Variants in PTPRJ observed in about 807,000 individuals in gnomAD.
The protein encoded by PTPRJ is receptor-type tyrosine-protein phosphatase eta.
In PTPRJ, 129 loss-of-function variants were observed where a neutral mutation model predicts 141.3. The observed-to-expected ratio is 0.91, with a 90% CI of 0.79 to 1.06. The LOEUF (loss-of-function observed/expected upper bound fraction) is 1.06. PTPRJ is among the 50% of genes least tolerant of loss of function. The pLI is 0.00. For missense variants in PTPRJ, 1,601 were observed against 1,679.7 expected (o/e 0.95, Z 0.82); for synonymous variants, 610 against 640.5 (o/e 0.95, Z 0.72).
At chr11:48,053,220 TTAAATATA>T (rs1854628820) in intron 1 of PTPRJ, among the ~76,000 whole-genome samples, 1 of 91,024 alleles carries the variant, frequency 1.1e-5, no homozygotes, top group Non-Finnish European at 2.0e-5. Flanking sequence ...ATATAATATA[TTAAATATA>T]TTATATATAA....
intron 1 of PTPRJ, among the ~76,000 whole-genome samples, chr11:47,988,305 A>G (rs978429335): frequency 1.3e-5 from 2 of 152,176 alleles, no homozygotes; most frequent in South Asian, 4.1e-4. Context: ...ACAATATTGT[A>G]TCCAATTTCA....
chr11:48,037,686 A>G (rs1158911329), intron 1 of PTPRJ, among the ~76,000 whole-genome samples: 1 of 152,040 alleles, frequency 6.6e-6, no homozygotes, highest in Non-Finnish European at 1.5e-5. Context: ...GGTGATGGGC[A>G]TCTGTAATCC....
rs1442517904 is a variant in PTPRJ at position 48,035,544 on chromosome 11, T to C, written c.96+54536T>C. 3.1e-3 allele frequency among the ~76,000 whole-genome samples: 423 copies of C among 138,172 alleles called. 3 individuals are homozygous for C. The highest frequency in any genetic ancestry group is 0.01 in the African/African-American group (377 of 37,344). The allele number at this position is 138,172 out of a possible 152,430, so 90.6% of individuals were successfully genotyped here. ...TTCTTTTTTCTTTCTTCTTCTTTTT[T>C]TTTTTTTTTTTTTTTTTTTTTAGTT... On this transcript the variant is annotated intron_variant, in intron 1 of 24. Transcript: ENST00000418331.
At chr11:48,131,247 T>A (rs1856976379) in intron 8 of PTPRJ, among the ~76,000 whole-genome samples, 1 of 151,768 alleles carries the variant, frequency 6.6e-6, no homozygotes, top group African/African-American at 2.4e-5. Flanking sequence ...CATGCCTGGC[T>A]AATTTTTATA....
At chr11:48,116,354 T>A (rs927398043) in intron 3 of PTPRJ, among the ~76,000 whole-genome samples, 3 of 152,228 alleles carry the variant, frequency 2.0e-5, no homozygotes, top group African/African-American at 7.2e-5. Flanking sequence ...GATAAAGGGA[T>A]CAATTCATCA....
At chr11:48,041,749 T>TG (rs1170565617) in intron 1 of PTPRJ, among the ~76,000 whole-genome samples, 3 of 152,016 alleles carry the variant, frequency 2.0e-5, no homozygotes, top group African/African-American at 7.2e-5. Flanking sequence ...CTTAGCCTCC[T>TG]GAGTAGATGG....
Position 47,992,760 on chromosome 11 carries a change from T to A in PTPRJ, c.96+11752T>A, listed in dbSNP as rs376839871. On this transcript the variant is annotated intron_variant, in intron 1 of 24. Coordinates refer to ENST00000418331, the MANE Select transcript of PTPRJ (RefSeq NM_002843.4). The stretch of plus-strand genomic sequence containing the variant: ...GTTATGACCTGCATTAAAAAAATGG[T>A]AGAATATCAGAGTTTGCTGGTAAGT... Among the ~76,000 whole-genome samples the A allele has an allele frequency of 3.9e-5, 6 of 152,218 alleles. No homozygotes were observed. The South Asian group carries it at 1.2e-3, about 32-fold the overall frequency.
intron 1 of PTPRJ, among the ~76,000 whole-genome samples, chr11:48,030,011 G>C (rs887403190): frequency 6.6e-6 from 1 of 152,136 alleles, no homozygotes; most frequent in East Asian, 1.9e-4. Flanking sequence ...TTAGAAAAAG[G>C]CTTAGTATCT....
intron 1 of PTPRJ, among the ~76,000 whole-genome samples, chr11:47,995,221 AG>A (rs1398220340): frequency 6.6e-6 from 1 of 152,240 alleles, no homozygotes; most frequent in African/African-American, 2.4e-5. Context: ...GAATAATAAA[AG>A]TAACAATAGT....
At chr11:48,010,482 G>A (rs1048713156) in intron 1 of PTPRJ, among the ~76,000 whole-genome samples, 1 of 151,778 alleles carries the variant, frequency 6.6e-6, no homozygotes, top group African/African-American at 2.4e-5. Context: ...GGCCCATTAG[G>A]TGCTCAGTAA....
At chr11:48,039,043 G>GTA (rs1344227761) in intron 1 of PTPRJ, among the ~76,000 whole-genome samples, 1 of 151,258 alleles carries the variant, frequency 6.6e-6, no homozygotes, top group Non-Finnish European at 1.5e-5. Flanking sequence ...CCAGCTACTT[G>GTA]GGAGGCTGAG....
At chr11:48,128,854 G>A (rs1033102407) in intron 7 of PTPRJ, among the ~76,000 whole-genome samples, 1 of 152,142 alleles carries the variant, frequency 6.6e-6, no homozygotes, top group Non-Finnish European at 1.5e-5. Context: ...CCATTCCTTC[G>A]CAGGAAGCAC....
In PTPRJ at chr11:47,997,986, G is replaced by T. The variant is rs147600505; in HGVS notation, c.96+16978G>T. On this transcript the variant is annotated intron_variant, in intron 1 of 24. Coordinates refer to ENST00000418331, the MANE Select transcript of PTPRJ (RefSeq NM_002843.4). ...TTGAAGGGTGATGCCAGCCAGGGGTGAGTGGAGTGAGGTAGGATTTGCTTT... is the reference window on the plus strand; with the variant it reads ...TTGAAGGGTGATGCCAGCCAGGGGTTAGTGGAGTGAGGTAGGATTTGCTTT... Among the ~76,000 whole-genome samples, 5 of 152,316 alleles carry T rather than the reference G, an allele frequency of 3.3e-5. No homozygotes were observed. The East Asian group carries it at 9.6e-4, about 29-fold the overall frequency.
At chr11:48,010,376 G>A (rs1275228525) in intron 1 of PTPRJ, among the ~76,000 whole-genome samples, 1 of 150,736 alleles carries the variant, frequency 6.6e-6, no homozygotes, top group African/African-American at 2.4e-5. Context: ...ATAGGGTTTC[G>A]CCATGTTGGC....
intron 1 of PTPRJ, among the ~76,000 whole-genome samples, chr11:48,015,621 A>G (rs1184433321): frequency 6.6e-6 from 1 of 152,092 alleles, no homozygotes; most frequent in African/African-American, 2.4e-5. Flanking sequence ...TTATGCCTGT[A>G]ATCCCAGCAC....
intron 4 of PTPRJ, among the ~76,000 whole-genome samples, chr11:48,122,326 C>G (rs978518149): frequency 2.0e-5 from 3 of 152,080 alleles, no homozygotes; most frequent in Non-Finnish European, 4.4e-5. Context: ...AAGGTGACCC[C>G]GAGGGGGTGG....
intron 1 of PTPRJ, among the ~76,000 whole-genome samples, chr11:48,091,512 A>C (rs754272334): frequency 2.6e-5 from 4 of 152,182 alleles, no homozygotes; most frequent in Non-Finnish European, 4.4e-5. Context: ...GTGTTTGGTG[A>C]CTGCTGGAGA....
rs563957527 is a variant in PTPRJ at position 48,109,801 on chromosome 11, G to T, written c.97-257G>T. On this transcript the variant is annotated intron_variant, in intron 1 of 24. Transcript: ENST00000418331. ...CTGGAGGTGGGGGGATGTGTCTGGGGAGAAACACTGGGCACTGGGAGTCAG... is the reference window on the plus strand; with the variant it reads ...CTGGAGGTGGGGGGATGTGTCTGGGTAGAAACACTGGGCACTGGGAGTCAG... Among the ~76,000 whole-genome samples the T allele has an allele frequency of 3.3e-5, 5 of 152,238 alleles. No homozygotes were observed. The South Asian group carries it at 1.0e-3, about 32-fold the overall frequency.
chr11:48,059,090 C>G (rs1425540051), intron 1 of PTPRJ, among the ~76,000 whole-genome samples: 1 of 146,236 alleles, frequency 6.8e-6, no homozygotes, highest in Non-Finnish European at 1.5e-5. Context: ...TACTCCTGAT[C>G]GCTCCCTACT....
Sources: gnomAD v4.1 joint callset for allele counts (sites outside exome capture counted in the v4.1 genomes callset) on GRCh38, gnomAD v4.1.1 for gene constraint, MANE v1.5 for transcripts, NCBI Gene and HGNC (gene_info 2026-07-23, HGNC 2026-07-21) for gene names.